ICA1: variants seen among roughly 807,000 people sequenced by gnomAD.
The protein encoded by ICA1 is 69 kDa islet cell autoantigen.
In ICA1, 40 loss-of-function variants were observed where a neutral mutation model predicts 71.0. The observed-to-expected ratio is 0.56, with a 90% confidence interval of 0.44 to 0.73. ICA1 has a LOEUF of 0.73. Among genes scored for constraint, ICA1 ranks in the 30% least tolerant of loss-of-function variants. ICA1 has a pLI of 0.00. For missense variants in ICA1, 578 were observed against 576.5 expected (o/e 1.00, Z -0.03); for synonymous variants, 207 against 209.5 (o/e 0.99, Z 0.10).
At chr7:8,255,882 C>T (rs1809972471) in intron 1 of ICA1, among the ~76,000 whole-genome samples, 1 of 150,270 alleles carries the variant, frequency 6.7e-6, no homozygotes, top group Non-Finnish European at 1.5e-5. Flanking sequence ...TCAAGCAATC[C>T]TCTTACTTAG....
At chr7:8,215,580 C>T (rs1795145041) in intron 6 of ICA1, among the ~76,000 whole-genome samples, 1 of 152,162 alleles carries the variant, frequency 6.6e-6, no homozygotes, top group African/African-American at 2.4e-5. Flanking sequence ...CTGCTGTATT[C>T]CCCTGGATGC....
At chr7:8,131,551 G>A (rs913387187) in intron 12 of ICA1, among the ~76,000 whole-genome samples, 25 of 152,122 alleles carry the variant, frequency 1.6e-4, no homozygotes, top group Non-Finnish European at 1.6e-4. Flanking sequence ...CAGCTAACAG[G>A]CCACACAGTG....
chr7:8,167,236 G>A (rs76560395), intron 6 of ICA1, among the ~76,000 whole-genome samples: 2 of 152,198 alleles, frequency 1.3e-5, no homozygotes, highest in Non-Finnish European at 2.9e-5. Context: ...ACACCCACCA[G>A]TGGTAGAGTG....
intron 1 of ICA1, among the ~76,000 whole-genome samples, chr7:8,253,331 T>C (rs1311203878): frequency 2.0e-5 from 3 of 152,214 alleles, no homozygotes; most frequent in Non-Finnish European, 4.4e-5. Context: ...TTTAAAAAGG[T>C]CCAAATCTGT....
intron 3 of ICA1, among the ~76,000 whole-genome samples, chr7:8,229,799 C>G (rs1460408228): frequency 6.6e-6 from 1 of 152,158 alleles, no homozygotes. Context: ...GCATCTTCCA[C>G]CTGTTTAGTA....
rs1436323756 is a variant in ICA1, at chr7:8,218,564, A to G, written c.381-61T>C. 4 of 1,362,710 alleles carry G rather than the reference A, an allele frequency of 2.9e-6. No individual in the cohort carries two copies. In the African/African-American group the frequency reaches 5.7e-5, roughly 19 times the overall value. The allele number at this position is 1,362,710 out of a possible 1,614,324, so 84.4% of individuals were successfully genotyped here. A position where few individuals can be genotyped will look rare whatever the true frequency, so the allele number is the denominator to read the frequency against. On this transcript the variant is annotated intron_variant, in intron 5 of 13. Coordinates refer to ENST00000402384, the MANE Select transcript of ICA1 (RefSeq NM_001136020.3). ...AGCCAGTGAGCAATTTAAATCCTTG[A>G]CATTCTGCCAATCTTAGACTCGTGA...
intron 6 of ICA1, among the ~76,000 whole-genome samples, chr7:8,199,706 C>G (rs567721773): frequency 1.3e-5 from 2 of 152,222 alleles, no homozygotes; most frequent in Non-Finnish European, 2.9e-5. Flanking sequence ...GAGCGAGACT[C>G]TGTCTCAAAA....
intron 1 of ICA1, among the ~76,000 whole-genome samples, chr7:8,242,236 A>G (rs898570585): frequency 6.6e-6 from 1 of 152,250 alleles, no homozygotes; most frequent in Non-Finnish European, 1.5e-5. Context: ...CAGTGCAATC[A>G]AATTAGAATT....
chr7:8,142,159 C>A, intron 9 of ICA1: 1 of 503,678 alleles, frequency 2.0e-6, no homozygotes, highest in Non-Finnish European at 3.2e-6. Context: ...CAATCAGAAT[C>A]CATTTCTTCT....
chr7:8,118,326 C>G (rs1750300991), intron 13 of ICA1, among the ~76,000 whole-genome samples: 1 of 152,176 alleles, frequency 6.6e-6, no homozygotes, highest in Non-Finnish European at 1.5e-5. Context: ...GGTGTTTGAA[C>G]ATATACATAA....
chr7:8,228,744 C>G lies in ICA1; in HGVS notation c.184-71G>C. ...TGAGATAAAAAATAATTACATTGAA[C>G]ACAACCAGAGTGTTCAATTTGCCAA... On this transcript the variant is annotated intron_variant, in intron 3 of 13. Coordinates refer to ENST00000402384, the MANE Select transcript of ICA1 (RefSeq NM_001136020.3). 2.9e-6 allele frequency: 3 copies of G among 1,046,998 alleles called. No individual in the cohort carries two copies. In the Admixed American group the frequency reaches 6.1e-5, roughly 21 times the overall value. The allele number at this position is 1,046,998 out of a possible 1,614,324, so 64.9% of individuals were successfully genotyped here.
chr7:8,258,049 C>T (rs1318096594), intron 1 of ICA1, among the ~76,000 whole-genome samples: 2 of 152,190 alleles, frequency 1.3e-5, no homozygotes, highest in Non-Finnish European at 2.9e-5. Context: ...CAAGGGCAAT[C>T]TCCTCCATGA....
At chr7:8,219,368 A>G (rs1389433131) in intron 5 of ICA1, among the ~76,000 whole-genome samples, 1 of 152,256 alleles carries the variant, frequency 6.6e-6, no homozygotes, top group Non-Finnish European at 1.5e-5. Flanking sequence ...ATTTCAATTT[A>G]AATGCAAACT....
chr7:8,241,813 CAAAG>C (rs1183165597), intron 1 of ICA1, among the ~76,000 whole-genome samples: 5 of 152,094 alleles, frequency 3.3e-5, no homozygotes, highest in Admixed American at 1.3e-4. Context: ...TCAAAAGAGA[CAAAG>C]AAGGCCATTA....
At chr7:8,114,105 G>A (rs2127983909) in intron 13 of ICA1, 61 bp from the exon 14 acceptor site, 2 of 1,580,120 alleles carry the variant, frequency 1.3e-6, no homozygotes, top group Admixed American at 1.7e-5. Flanking sequence ...TCTGCCATGC[G>A]GGATGCAGGC....
At chr7:8,156,613 A>G in intron 8 of ICA1, 1 of 418,490 alleles carries the variant, frequency 2.4e-6, no homozygotes, top group Non-Finnish European at 4.1e-6. Context: ...ATATTGCTGT[A>G]GTCTTACAGA....
chr7:8,116,459 G>A (rs1784835320), intron 13 of ICA1: 1 of 152,238 alleles, frequency 6.6e-6, no homozygotes, highest in South Asian at 2.1e-4. Flanking sequence ...GAATACATTT[G>A]AGGAGATAGG....
chr7:8,158,190 C>T (rs1384587612), intron 7 of ICA1: 2 of 248,968 alleles, frequency 8.0e-6, no homozygotes, highest in Non-Finnish European at 1.5e-5. Flanking sequence ...TAAGTGAGTT[C>T]AGAGGAGGCT....
intron 12 of ICA1, 26 bp from the exon 13 acceptor site, chr7:8,128,168 C>T (rs750391608): frequency 1.9e-5 from 30 of 1,606,842 alleles, no homozygotes; most frequent in South Asian, 4.4e-5. Flanking sequence ...GAGAACAAAA[C>T]GTCACCACGG....
Sources: allele counts gnomAD v4.1 joint callset (sites outside exome capture counted in the v4.1 genomes callset), GRCh38; gene constraint gnomAD v4.1.1; transcripts MANE v1.5; gene names NCBI Gene and HGNC (gene_info 2026-07-23, HGNC 2026-07-21).